The following UBE2H variants were observed in gnomAD, a reference collection of about 807,000 sequenced individuals.
UBE2H encodes ubiquitin-conjugating enzyme E2 H.
In UBE2H, 3 loss-of-function variants were observed where a neutral mutation model predicts 29.0. That is an observed-to-expected ratio of 0.10 (90% CI 0.05 to 0.27). The LOEUF (loss-of-function observed/expected upper bound fraction) is 0.27. Among genes scored for constraint, UBE2H ranks in the 10% least tolerant of loss-of-function variants. The pLI, the probability that UBE2H is intolerant of heterozygous loss-of-function variation, is 1.00. For synonymous variants in UBE2H, 69 were observed against 82.9 expected, an observed-to-expected ratio of 0.83 and a Z score of 0.91; for missense variants, 68 against 228.2, an observed-to-expected ratio of 0.30 and a Z score of 4.52.
intron 1 of UBE2H, among the ~76,000 whole-genome samples, chr7:129,951,015 T>C (rs1807864405): frequency 6.6e-6 from 1 of 152,194 alleles, no homozygotes; most frequent in Admixed American, 6.5e-5. Flanking sequence ...TAGAAGTCTA[T>C]CTACTGCTCC....
intron 1 of UBE2H, among the ~76,000 whole-genome samples, chr7:129,882,086 C>T (rs2116375389): frequency 6.6e-6 from 1 of 152,310 alleles, no homozygotes; most frequent in Non-Finnish European, 1.5e-5. Flanking sequence ...TGGCTGTGCT[C>T]CCTTCCTCTA....
At chr7:129,877,382 A>G (rs899023615) in intron 3 of UBE2H, among the ~76,000 whole-genome samples, 2 of 152,158 alleles carry the variant, frequency 1.3e-5, no homozygotes, top group African/African-American at 2.4e-5. Context: ...ACACAACTCA[A>G]AAAGGAATCC....
intron 1 of UBE2H, among the ~76,000 whole-genome samples, chr7:129,938,551 T>C (rs577223882): frequency 6.9e-6 from 1 of 145,256 alleles, no homozygotes; most frequent in Non-Finnish European, 1.5e-5. Context: ...CCGTCTCTAC[T>C]AAAAATACAA....
chr7:129,884,383 T>C (rs1406754043), intron 1 of UBE2H, among the ~76,000 whole-genome samples: 2 of 149,658 alleles, frequency 1.3e-5, no homozygotes, highest in African/African-American at 4.9e-5. Flanking sequence ...TGCCACTGCA[T>C]TCCAGCCTGG....
intron 1 of UBE2H, among the ~76,000 whole-genome samples, chr7:129,944,086 G>A (rs1807703014): frequency 6.6e-6 from 1 of 152,230 alleles, no homozygotes; most frequent in South Asian, 2.1e-4. Flanking sequence ...GCCAGGCGCT[G>A]TGGCTCATGC....
intron 6 of UBE2H, among the ~76,000 whole-genome samples, chr7:129,837,249 G>A (rs964282983): frequency 5.2e-4 from 79 of 152,156 alleles, no homozygotes; most frequent in African/African-American, 1.9e-3. Context: ...AGCTGTGAGA[G>A]GTGAAACAGC....
chr7:129,909,619 G>A (rs1321842121), intron 1 of UBE2H, among the ~76,000 whole-genome samples: 1 of 152,164 alleles, frequency 6.6e-6, no homozygotes, highest in East Asian at 1.9e-4. Context: ...ACTTTGGGAG[G>A]CTGAGGTGGG....
At chr7:129,865,084 T>C in intron 3 of UBE2H, 1 of 443,502 alleles carries the variant, frequency 2.3e-6, no homozygotes, top group Non-Finnish European at 4.5e-6. Context: ...GGAATCCAAA[T>C]CACACTTAAT....
At chr7:129,919,478 C>A (rs1300638068) in intron 1 of UBE2H, among the ~76,000 whole-genome samples, 5 of 152,172 alleles carry the variant, frequency 3.3e-5, no homozygotes. Flanking sequence ...AATCCTGGGA[C>A]TCTACAGTCA....
Position 129,879,571 on chromosome 7 carries a change from T to C in UBE2H, c.202A>G (p.Ile68Val), listed in dbSNP as rs1009673002. Residue 68 changes from isoleucine to valine, a missense_variant, in exon 3 of 7, where the codon ATA becomes GTA. Physicochemically the swap from Ile to Val is conservative, Grantham distance 29. Around this residue, in one of 3 missense-constraint regions of UBE2H, gnomAD observed 40 missense variants for 174.1 expected, o/e 0.23. Coordinates refer to ENST00000355621, the MANE Select transcript of UBE2H (RefSeq NM_003344.4). ...PDKYPFKSPS[I>V]GFMNKIFHPN... ...GAAAAACCAAGTAGTAACATACCTA[T>C]AGATGGAGATTTGAAAGGGTATTTA... The C allele has an allele frequency of 3.1e-6, 5 of 1,611,706 alleles. No homozygotes were observed. The highest frequency in any genetic ancestry group is 4.2e-6 in the Non-Finnish European group (5 of 1,179,194).
At chr7:129,881,002 G>A (rs1311974838) in intron 1 of UBE2H, 31 bp from the exon 2 acceptor site, 1 of 1,590,312 alleles carries the variant, frequency 6.3e-7, no homozygotes, top group Admixed American at 1.8e-5. Flanking sequence ...AATTACACAG[G>A]CTTTACAGTA....
chr7:129,867,740 A>AAAG (rs1304137280), intron 3 of UBE2H, among the ~76,000 whole-genome samples: 1 of 138,310 alleles, frequency 7.2e-6, no homozygotes. Flanking sequence ...AAAAAAAAAA[A>AAAG]AAGAAGACCA....
At chr7:129,842,301 C>T (rs569977521) in intron 5 of UBE2H, among the ~76,000 whole-genome samples, 94 of 152,206 alleles carry the variant, frequency 6.2e-4, no homozygotes, top group African/African-American at 2.0e-3. Flanking sequence ...GGTGTGATGG[C>T]GCGTGCCTGT....
chr7:129,922,417 C>G lies in UBE2H; in HGVS notation c.53+30086G>C, dbSNP rs149391039. 7.0e-3 allele frequency among the ~76,000 whole-genome samples: 1,057 copies of G among 151,896 alleles called. 15 individuals are homozygous for G. Among genetic ancestry groups the G allele is most frequent in the African/African-American group, 0.025 (1,014 of 41,376 alleles). On this transcript the variant is annotated intron_variant, in intron 1 of 6. Transcript: ENST00000355621. ...TCTCCTGCCTCAACCTTCTGAGTAG[C>G]TGGGATTACAGGCAGACGCCATCAC...
rs566117061 is a variant in UBE2H, at chr7:129,907,299, G to A, written c.54-26328C>T. Among the ~76,000 whole-genome samples the A allele has an allele frequency of 4.6e-5, 7 of 152,146 alleles. No individual in the cohort carries two copies. In the South Asian group the frequency reaches 8.3e-4, roughly 18 times the overall value. The stretch of plus-strand genomic sequence containing the variant: ...CAAAACAAGCGGTATGACAGCTGTC[G>A]GGATGCAGAAGTAATCAGTAAAGCC... On this transcript the variant is annotated intron_variant, in intron 1 of 6. Transcript: ENST00000355621.
chr7:129,836,826 G>A (rs1449867602), intron 6 of UBE2H, among the ~76,000 whole-genome samples: 3 of 143,972 alleles, frequency 2.1e-5, no homozygotes, highest in Non-Finnish European at 4.5e-5. Context: ...GCTGCAGTGG[G>A]CCGAGATCGC....
At chr7:129,945,864 A>G (rs1237505221) in intron 1 of UBE2H, among the ~76,000 whole-genome samples, 4 of 151,840 alleles carry the variant, frequency 2.6e-5, no homozygotes, top group Non-Finnish European at 5.9e-5. Context: ...TCCTGCCTCA[A>G]CCTCCCAAGT....
At chr7:129,890,987 T>C (rs1244006519) in intron 1 of UBE2H, among the ~76,000 whole-genome samples, 1 of 151,514 alleles carries the variant, frequency 6.6e-6, no homozygotes, top group Non-Finnish European at 1.5e-5. Context: ...ACAAAACAAA[T>C]TAGCTGGGCG....
At chr7:129,906,208 C>CTT (rs1279357818) in intron 1 of UBE2H, among the ~76,000 whole-genome samples, 1 of 142,410 alleles carries the variant, frequency 7.0e-6, no homozygotes, top group African/African-American at 2.7e-5. Context: ...ATTTTTTTTT[C>CTT]TTTCTTTTTT....
Sources: gnomAD v4.1 joint callset for allele counts (sites outside exome capture counted in the v4.1 genomes callset) on GRCh38, gnomAD v4.1.1 for gene constraint, gnomAD v4.1.1 regional missense constraint, MANE v1.5 for transcripts, NCBI Gene and HGNC (gene_info 2026-07-23, HGNC 2026-07-21) for gene names.